DCDC2C: variants seen among roughly 807,000 people sequenced by gnomAD.
DCDC2C encodes the protein doublecortin domain containing 2C.
Under a neutral mutation model 45.0 loss-of-function variants are expected in DCDC2C, and 44 were observed. The observed-to-expected ratio is 0.98, with a 90% confidence interval of 0.77 to 1.26. The LOEUF is 1.26. Ranked by LOEUF, DCDC2C falls within the 50% of genes most tolerant of loss-of-function variation. The probability of loss-of-function intolerance (pLI) is 0.00; values close to 1 mark genes in which losing one functional copy is unlikely to be tolerated. For missense variants in DCDC2C, 447 were observed against 468.9 expected, an observed-to-expected ratio of 0.95 and a Z score of 0.43; for synonymous variants, 187 against 178.8, an observed-to-expected ratio of 1.05 and a Z score of -0.37.
chr2:3,780,968 C>T (rs376936160), intron 9 of DCDC2C, among the ~76,000 whole-genome samples: 5 of 152,142 alleles, frequency 3.3e-5, no homozygotes, highest in South Asian at 4.1e-4. Context: ...TCGTAGATAC[C>T]GTTGCTTCGC....
intron 10 of DCDC2C, among the ~76,000 whole-genome samples, chr2:3,801,321 G>T (rs540691926): frequency 1.3e-5 from 2 of 152,168 alleles, no homozygotes; most frequent in African/African-American, 2.4e-5. Context: ...GTCCCAGGCC[G>T]TGGCCTTCCT....
chr2:3,727,849 A>G (rs1297596752), intron 3 of DCDC2C, among the ~76,000 whole-genome samples: 2 of 152,216 alleles, frequency 1.3e-5, no homozygotes, highest in Non-Finnish European at 1.5e-5. Flanking sequence ...TATGCAGCAC[A>G]CTGTGGTGAG....
intron 10 of DCDC2C, among the ~76,000 whole-genome samples, chr2:3,821,469 C>T (rs1671685590): frequency 2.0e-5 from 3 of 152,244 alleles, no homozygotes; most frequent in African/African-American, 7.2e-5. Flanking sequence ...TCCTCCTGAT[C>T]ATAAGGGGAA....
intron 10 of DCDC2C, among the ~76,000 whole-genome samples, chr2:3,802,649 C>A (rs1312031369): frequency 6.6e-6 from 1 of 152,136 alleles, no homozygotes; most frequent in African/African-American, 2.4e-5. Flanking sequence ...GTGGAAGGGG[C>A]AAATCAGCTC....
chr2:3,824,718 G>A (rs1671774758), intron 10 of DCDC2C, among the ~76,000 whole-genome samples: 1 of 151,938 alleles, frequency 6.6e-6, no homozygotes, highest in African/African-American at 2.4e-5. Flanking sequence ...CCCCAGAGCA[G>A]TCTTGCTCCG....
chr2:3,782,684 T>C (rs1163557276), intron 9 of DCDC2C, among the ~76,000 whole-genome samples: 1 of 152,160 alleles, frequency 6.6e-6, no homozygotes, highest in African/African-American at 2.4e-5. Flanking sequence ...TTCACTGTGA[T>C]AGCCAGGTTG....
At position 3,741,612 on chromosome 2, in the gene DCDC2C, C is replaced by G. The variant is rs7570672; in HGVS notation, c.417-308C>G. ...GAGAACTTTTCCTGTTTCGCAACCACTATTAACCCTAAGGCACCTTCACTC... is the reference window on the plus strand; with the variant it reads ...GAGAACTTTTCCTGTTTCGCAACCAGTATTAACCCTAAGGCACCTTCACTC... On this transcript the variant is annotated intron_variant, in intron 3 of 10. Coordinates refer to ENST00000399143, the MANE Select transcript of DCDC2C (RefSeq NM_001287444.2). Among the ~76,000 whole-genome samples the G allele has an allele frequency of 7.7e-3, 1,172 of 152,214 alleles. 12 individuals carry two copies. Among genetic ancestry groups the G allele is most frequent in the African/African-American group, 0.027 (1,131 of 41,494 alleles).
Position 3,824,901 on chromosome 2 carries a change from G to A in DCDC2C, c.1066-22253G>A, listed in dbSNP as rs528874961. Among the ~76,000 whole-genome samples, 10 of 152,142 alleles carry A rather than the reference G, an allele frequency of 6.6e-5. No homozygotes were observed. In the South Asian group the frequency reaches 2.1e-3, roughly 32 times the overall value. On this transcript the variant is annotated intron_variant, in intron 10 of 10. Transcript: ENST00000399143. ...TCCTGCCTCTTCTCTGGCAGTAGAG[G>A]ACCTATCAAAATCTGGACCCAGAAT... is the stretch of plus-strand genomic sequence containing the variant.
rs185477848 is a variant in DCDC2C at position 3,743,815 on chromosome 2, C to T, written c.545+1767C>T. 4.8e-3 allele frequency among the ~76,000 whole-genome samples: 737 copies of T among 152,320 alleles called. 2 individuals are homozygous for T. Among genetic ancestry groups the T allele is most frequent in the Non-Finnish European group, 8.0e-3 (542 of 68,040 alleles). ...GGGTGCGGTGGCTCACGCCTGTAAT[C>T]CCAGCACTTTGGGAGGCCGAGGCCG... On this transcript the variant is annotated intron_variant, in intron 4 of 10. Transcript: ENST00000399143.
intron 8 of DCDC2C, among the ~76,000 whole-genome samples, chr2:3,776,889 A>G (rs550661204): frequency 2.0e-5 from 3 of 152,304 alleles, no homozygotes; most frequent in Admixed American, 1.3e-4. Context: ...TCAGTAAGAC[A>G]AAAGAGAAAC....
intron 4 of DCDC2C, among the ~76,000 whole-genome samples, chr2:3,745,956 G>A (rs1669348679): frequency 6.6e-6 from 1 of 151,554 alleles, no homozygotes; most frequent in African/African-American, 2.4e-5. Context: ...AAAATTACTT[G>A]ATTTATTGGA....
At position 3,758,156 on chromosome 2, in the gene DCDC2C, C is replaced by T. The variant is rs1669775094; in HGVS notation, c.726+3522C>T. Among the ~76,000 whole-genome samples, 5 of 152,306 alleles carry T rather than the reference C, an allele frequency of 3.3e-5. No homozygotes were observed. In the South Asian group the frequency reaches 1.0e-3, roughly 32 times the overall value. On this transcript the variant is annotated intron_variant, in intron 6 of 10. Transcript: ENST00000399143. Reference sequence around the variant, plus strand: ...AACTGTGACATTCCCAGTGAGGTGACAGGTGGAGCAGAACAGTGGGACTTG... The same window carrying T: ...AACTGTGACATTCCCAGTGAGGTGATAGGTGGAGCAGAACAGTGGGACTTG...
intron 2 of DCDC2C, among the ~76,000 whole-genome samples, chr2:3,725,212 G>A (rs1347206685): frequency 2.6e-5 from 4 of 152,118 alleles, no homozygotes; most frequent in Non-Finnish European, 4.4e-5. Flanking sequence ...GGCGATGATC[G>A]ATTCTGATGT....
intron 8 of DCDC2C, among the ~76,000 whole-genome samples, chr2:3,771,685 A>G (rs1486287584): frequency 1.3e-5 from 2 of 152,098 alleles, no homozygotes; most frequent in Non-Finnish European, 2.9e-5. Context: ...GTTTGTGCAG[A>G]CCCTCTGTTC....
At chr2:3,770,562 C>A (rs946620687) in intron 8 of DCDC2C, among the ~76,000 whole-genome samples, 1 of 152,052 alleles carries the variant, frequency 6.6e-6, no homozygotes, top group East Asian at 1.9e-4. Flanking sequence ...TCATTTTCTT[C>A]GCAAATCCAA....
In DCDC2C at chr2:3,734,743, G is replaced by A. The variant is rs1279739219; in HGVS notation, c.417-7177G>A. Among the ~76,000 whole-genome samples, 2 of 152,110 alleles carry A rather than the reference G, an allele frequency of 1.3e-5. No homozygotes were observed. The highest frequency in any genetic ancestry group is 2.9e-5 in the Non-Finnish European group (2 of 68,034). ...AAGTCCTGAGCTCGGTGAAGCTCTC[G>A]CAATCCACGTTTTTATGTTTTGGGG... On this transcript the variant is annotated intron_variant, in intron 3 of 10. Transcript: ENST00000399143. This position sits in a 1 kb window ranked among gnomAD's most constrained non-coding sequence, Gnocchi z 4.2.
intron 10 of DCDC2C, among the ~76,000 whole-genome samples, chr2:3,800,973 G>C (rs547561575): frequency 1.3e-5 from 2 of 152,274 alleles, no homozygotes; most frequent in African/African-American, 4.8e-5. Flanking sequence ...TGACCTCACT[G>C]ACCCCTGGAA....
At chr2:3,778,934 C>A in intron 9 of DCDC2C, 50 bp downstream of exon 9, 2 of 1,498,278 alleles carry the variant, frequency 1.3e-6, no homozygotes, top group African/African-American at 1.4e-5. Flanking sequence ...AGGCACCTGA[C>A]ACTTTGAACA....
At chr2:3,713,239 AAGC>A (rs1668264710) in intron 2 of DCDC2C, among the ~76,000 whole-genome samples, 1 of 152,204 alleles carries the variant, frequency 6.6e-6, no homozygotes. Flanking sequence ...ATAGATGTTC[AAGC>A]CCTTACATCA....
Sources: gnomAD v4.1 joint callset for allele counts (sites outside exome capture counted in the v4.1 genomes callset) on GRCh38, gnomAD v4.1.1 for gene constraint, Gnocchi (gnomAD v3.1) non-coding constraint, MANE v1.5 for transcripts, NCBI Gene and HGNC (gene_info 2026-07-23, HGNC 2026-07-21) for gene names.